RHOD: variants seen among roughly 807,000 people sequenced by gnomAD.
The protein encoded by RHOD is ras homolog family member D.
In RHOD, 11 loss-of-function variants were observed where a neutral mutation model predicts 16.7. The observed-to-expected ratio is 0.66, with a 90% CI of 0.41 to 1.09. The LOEUF is 1.09. Among genes scored for constraint, RHOD ranks in the 50% least tolerant of loss-of-function variants. The pLI is 0.00. For synonymous variants in RHOD, 124 were observed against 126.3 expected, an observed-to-expected ratio of 0.98 and a Z score of 0.12; for missense variants, 271 against 291.7, an observed-to-expected ratio of 0.93 and a Z score of 0.52.
intron 1 of RHOD, 28 bp downstream of exon 1, chr11:67,057,062 C>T (rs1473590212): frequency 5.0e-6 from 7 of 1,409,578 alleles, no homozygotes; most frequent in Admixed American, 3.3e-5. Context: ...CCGCCTCGCC[C>T]GGTTCCGCTC....
intron 4 of RHOD, 94 bp downstream of exon 4, chr11:67,070,653 G>C: frequency 2.0e-6 from 3 of 1,486,100 alleles, no homozygotes; most frequent in Non-Finnish European, 2.8e-6. Flanking sequence ...GAACGCTCAG[G>C]GTGTAGGTCA....
In RHOD at chr11:67,070,763, A is replaced by G. The variant is rs1855019663; in HGVS notation, c.465+204A>G. Among the ~76,000 whole-genome samples the G allele has an allele frequency of 2.0e-5, 3 of 152,122 alleles. No homozygotes were observed. The South Asian group carries it at 6.2e-4, about 32-fold the overall frequency. On this transcript the variant is annotated intron_variant, in intron 4 of 4. Transcript: ENST00000308831. ...GGAGCCTCCACAGGCAAAAGGGAGA[A>G]CAAGGAAGTAGGCATATCAGAGTCA...
In RHOD at chr11:67,066,844, C is replaced by A. The variant is rs1436871696; in HGVS notation, c.327C>A (p.Asn109Lys). 1.4e-5 allele frequency: 22 copies of A among 1,607,534 alleles called. No homozygotes were observed. Among genetic ancestry groups the A allele is most frequent in the Non-Finnish European group, 1.9e-5 (22 of 1,174,166 alleles). Residue 109 changes from asparagine to lysine, a missense_variant, in exon 3 of 5, where the codon AAC becomes AAA. Physicochemically the swap from Asn to Lys is moderately conservative, Grantham distance 94. Transcript: ENST00000308831. ...TSPNSFDNIF[N>K]RWYPEVNHFC... ...CGAACAGCTTTGACAACATCTTTAA[C>A]CGGGTAGGTACTGGGGGGCAGGGAG...
chr11:67,057,246 G>C (rs1192797366), intron 1 of RHOD, among the ~76,000 whole-genome samples: 1 of 152,242 alleles, frequency 6.6e-6, no homozygotes, highest in African/African-American at 2.4e-5. Context: ...GGCATCCACC[G>C]GGGAGAGGTG....
rs767389805 is a variant in RHOD at position 67,066,692 on chromosome 11, A to G, written c.221-46A>G. Reference sequence around the variant, plus strand: ...CTCCTGACATTGGGGCAGTGCTGACAGGGGCCAGGAGCCCTGAAGGCAGTG... The same window carrying G: ...CTCCTGACATTGGGGCAGTGCTGACGGGGGCCAGGAGCCCTGAAGGCAGTG... On this transcript the variant is annotated intron_variant, in intron 2 of 4. Coordinates refer to ENST00000308831, the MANE Select transcript of RHOD (RefSeq NM_014578.4). 6 of 1,224,546 alleles carry G rather than the reference A, an allele frequency of 4.9e-6. No individual in the cohort carries two copies. The Admixed American group carries it at 1.0e-4, about 21-fold the overall frequency. The allele number at this position is 1,224,546 out of a possible 1,614,324, so 75.9% of individuals were successfully genotyped here.
chr11:67,070,458 G>A lies in RHOD; in HGVS notation c.364G>A (p.Val122Ile). ...YPEVNHFCKK[V>I]PIIVVGCKTD... ...AGAAGTGAATCATTTCTGCAAGAAG[G>A]TACCCATCATCGTCGTGGGCTGCAA... The change falls in exon 4 of 5, where the codon GTA (valine) becomes ATA (isoleucine). Residue 122 changes from valine to isoleucine, a missense_variant. Coordinates refer to ENST00000308831, the MANE Select transcript of RHOD (RefSeq NM_014578.4). 6.2e-7 allele frequency: 1 copy of A among 1,613,978 alleles called. No individual in the cohort carries two copies. Among genetic ancestry groups the A allele is most frequent in the Non-Finnish European group, 8.5e-7 (1 of 1,179,978 alleles).
At chr11:67,067,202 G>C (rs1409098128) in intron 3 of RHOD, among the ~76,000 whole-genome samples, 1 of 152,150 alleles carries the variant, frequency 6.6e-6, no homozygotes, top group East Asian at 1.9e-4. Context: ...CGCCCAAGGT[G>C]CATGAACAGT....
In RHOD at chr11:67,057,007, G is replaced by T; in HGVS notation, c.105G>T (p.Met35Ile). The change falls in exon 1 of 5, where the codon ATG becomes ATT. Residue 35 changes from methionine (M) to isoleucine (I), a missense_variant. Transcript: ENST00000308831. ...GCTGCGGGAAGACGTCGCTGCTGAT[G>T]GTCTTCGCCGATGGGGCCTTCCCCG... The part of the protein sequence containing the change: ...DGGCGKTSLL[M>I]VFADGAFPES... The T allele has an allele frequency of 6.6e-7, 1 of 1,504,838 alleles. No homozygotes were observed. 93.2% of individuals were successfully genotyped at this position (1,504,838 alleles called of 1,614,324 possible). A position where few individuals can be genotyped will look rare whatever the true frequency, so the allele number is the denominator to read the frequency against.
chr11:67,065,081 T>TC (rs1223420469), intron 1 of RHOD, among the ~76,000 whole-genome samples: 24 of 151,658 alleles, frequency 1.6e-4, no homozygotes, highest in African/African-American at 5.5e-4. Context: ...GTAGGGACTT[T>TC]TTTTTTTTTT....
At position 67,071,741 on chromosome 11, in the gene RHOD, A is replaced by AG; in HGVS notation, c.*141dup. ...CGGGCGCCACCAAAGCCAGGCCCTG[A>AG]GGCCTGGGAGTCCTGGACTGAGAAA... On this transcript the variant is annotated 3_prime_UTR_variant, in exon 5 of 5. Transcript: ENST00000308831. 5 of 865,012 alleles carry AG rather than the reference A, an allele frequency of 5.8e-6. No homozygotes were observed. The highest frequency in any genetic ancestry group is 6.9e-6 in the Non-Finnish European group (4 of 581,996). 53.6% of individuals were successfully genotyped at this position (865,012 alleles called of 1,614,324 possible).
chr11:67,071,489 C>T lies in RHOD; in HGVS notation c.520C>T (p.Arg174Trp), dbSNP rs759665208. ...GAVAYLECSA[R>W]LHDNVHAVFQ... ...GGTGGCCTACCTCGAGTGCTCGGCT[C>T]GGCTCCATGACAACGTCCACGCCGT... The change falls in exon 5 of 5, where the codon CGG becomes TGG. Residue 174 changes from arginine to tryptophan, a missense_variant. Physicochemically the swap from Arg to Trp is moderately radical, Grantham distance 101. Transcript: ENST00000308831. The T allele has an allele frequency of 8.6e-5, 139 of 1,610,038 alleles. No individual in the cohort carries two copies. The highest frequency in any genetic ancestry group is 1.1e-4 in the Non-Finnish European group (135 of 1,179,298).
rs750327861 is a variant in RHOD at position 67,070,461 on chromosome 11, C to CCGTA, written c.368_369insGTAC (p.Ile124TyrfsTer10). ...AGTGAATCATTTCTGCAAGAAGGTA[C>CCGTA]CCATCATCGTCGTGGGCTGCAAGAC... On this transcript the variant is annotated frameshift_variant, in exon 4 of 5. Coordinates refer to ENST00000308831, the MANE Select transcript of RHOD (RefSeq NM_014578.4). LOFTEE classifies it high-confidence loss of function. 2 of 1,613,960 alleles carry CCGTA rather than the reference C, an allele frequency of 1.2e-6. No homozygotes were observed. Among genetic ancestry groups the CCGTA allele is most frequent in the Non-Finnish European group, 8.5e-7 (1 of 1,179,984 alleles).
chr11:67,062,389 G>C (rs1854903763), intron 1 of RHOD, among the ~76,000 whole-genome samples: 2 of 152,240 alleles, frequency 1.3e-5, no homozygotes, highest in African/African-American at 4.8e-5. Flanking sequence ...CTAGCTACCA[G>C]GTCACACTGC....
chr11:67,058,863 G>A (rs1008479364), intron 1 of RHOD, among the ~76,000 whole-genome samples: 2 of 152,124 alleles, frequency 1.3e-5, no homozygotes, highest in Non-Finnish European at 2.9e-5. Context: ...ATTTTTTTAA[G>A]TTGGGGGAAA....
chr11:67,061,738 C>G (rs1231351181), intron 1 of RHOD, among the ~76,000 whole-genome samples: 3 of 102,104 alleles, frequency 2.9e-5, no homozygotes, highest in Non-Finnish European at 5.4e-5. Flanking sequence ...GAGACCCTCT[C>G]TAAAAAAAAA....
intron 3 of RHOD, among the ~76,000 whole-genome samples, chr11:67,069,092 C>T (rs969799229): frequency 7.4e-5 from 11 of 148,694 alleles, no homozygotes; most frequent in Non-Finnish European, 1.5e-4. Context: ...CTCAGCCTCC[C>T]GAGTAGCTAG....
chr11:67,071,639 G>A lies in RHOD; in HGVS notation c.*37G>A. 1 of 1,544,886 alleles carries A rather than the reference G, an allele frequency of 6.5e-7. No homozygotes were observed. The highest frequency in any genetic ancestry group is 8.7e-7 in the Non-Finnish European group (1 of 1,143,976). On this transcript the variant is annotated 3_prime_UTR_variant, in exon 5 of 5. Coordinates refer to ENST00000308831, the MANE Select transcript of RHOD (RefSeq NM_014578.4). ...CGTCCCAGCGACGCGGGAAGGGGCAGGGCGCTGACCTGCTGCTGAGCTGGC... is the reference window on the plus strand; with the variant it reads ...CGTCCCAGCGACGCGGGAAGGGGCAAGGCGCTGACCTGCTGCTGAGCTGGC...
At chr11:67,059,815 T>C (rs1258046988) in intron 1 of RHOD, among the ~76,000 whole-genome samples, 18 of 152,124 alleles carry the variant, frequency 1.2e-4, no homozygotes, top group Admixed American at 1.2e-3. Flanking sequence ...ACCAGACTCT[T>C]CCTCTAGGCA....
Position 67,057,028 on chromosome 11 carries a change from C to T in RHOD, c.126C>T (p.Phe42=). ...TGATGGTCTTCGCCGATGGGGCCTT[C>T]CCCGAGGTGAGTGCCCCGCGCCTCC... The part of the protein sequence containing the change: ...SLLMVFADGA[F]PESYTPTVFE... Residue 42 remains phenylalanine, a synonymous_variant, in exon 1 of 5, where the codon TTC becomes TTT. Coordinates refer to ENST00000308831, the MANE Select transcript of RHOD (RefSeq NM_014578.4). 2 of 1,483,534 alleles carry T rather than the reference C, an allele frequency of 1.3e-6. No individual in the cohort carries two copies. Among genetic ancestry groups the T allele is most frequent in the Non-Finnish European group, 1.8e-6 (2 of 1,128,316 alleles). The allele number at this position is 1,483,534 out of a possible 1,614,324, so 91.9% of individuals were successfully genotyped here.
Sources: gnomAD v4.1 joint callset for allele counts (sites outside exome capture counted in the v4.1 genomes callset) on GRCh38, gnomAD v4.1.1 for gene constraint, MANE v1.5 for transcripts, NCBI Gene and HGNC (gene_info 2026-07-23, HGNC 2026-07-21) for gene names.